The following TMTC1 variants were observed in gnomAD, a reference collection of about 807,000 sequenced individuals.
The protein encoded by TMTC1 is transmembrane O-mannosyltransferase targeting cadherins 1.
Under a neutral mutation model 104.8 loss-of-function variants are expected in TMTC1, and 73 were observed. The observed-to-expected ratio is 0.70, with a 90% CI of 0.58 to 0.85. The LOEUF (loss-of-function observed/expected upper bound fraction) is 0.85, where lower values mean the gene tolerates loss of function less well. TMTC1 is among the 40% of genes least tolerant of loss of function. The pLI, the probability that TMTC1 is intolerant of heterozygous loss-of-function variation, is 0.00. For synonymous variants in TMTC1, 434 were observed against 428.7 expected, an observed-to-expected ratio of 1.01 and a Z score of -0.15; for missense variants, 1,035 against 1,096.1, an observed-to-expected ratio of 0.94 and a Z score of 0.79.
chr12:29,762,253 A>G (rs896050405), intron 2 of TMTC1, among the ~76,000 whole-genome samples: 15 of 152,218 alleles, frequency 9.9e-5, no homozygotes, highest in African/African-American at 3.6e-4. Context: ...GCCATCTGAG[A>G]TTTGGTTTTG....
At chr12:29,731,851 T>C (rs953300491) in intron 5 of TMTC1, among the ~76,000 whole-genome samples, 1 of 152,204 alleles carries the variant, frequency 6.6e-6, no homozygotes, top group Non-Finnish European at 1.5e-5. Flanking sequence ...TGGTTCTGTA[T>C]TCTTTCCATT....
intron 11 of TMTC1, among the ~76,000 whole-genome samples, chr12:29,532,404 GA>G (rs1172471002): frequency 2.0e-5 from 3 of 151,324 alleles, no homozygotes; most frequent in Admixed American, 6.6e-5. Flanking sequence ...AAAGCCCTAA[GA>G]AAAAAAAGCT....
At chr12:29,711,141 C>T (rs1941915177) in intron 5 of TMTC1, among the ~76,000 whole-genome samples, 1 of 151,230 alleles carries the variant, frequency 6.6e-6, no homozygotes, top group Admixed American at 6.6e-5. Flanking sequence ...CACCACCATG[C>T]CTGGGTATTT....
intron 1 of TMTC1, among the ~76,000 whole-genome samples, chr12:29,778,862 G>A (rs1943770967): frequency 6.6e-6 from 1 of 152,200 alleles, no homozygotes; most frequent in South Asian, 2.1e-4. Context: ...TAAGTGTGAT[G>A]CTTCTGTGTC....
chr12:29,677,294 A>G (rs113613766), intron 5 of TMTC1, among the ~76,000 whole-genome samples: 3,442 of 152,100 alleles, frequency 0.023, 79 homozygotes, highest in Admixed American at 0.052. Flanking sequence ...GTTGTTGTTT[A>G]TTTGTTTTTG....
At chr12:29,765,399 A>T (rs1221377191) in intron 2 of TMTC1, among the ~76,000 whole-genome samples, 1 of 152,068 alleles carries the variant, frequency 6.6e-6, no homozygotes, top group Non-Finnish European at 1.5e-5. Flanking sequence ...GCTCTTCTTT[A>T]ATTGGTAGAC....
rs767944357 is a variant in TMTC1, at chr12:29,583,460, A to G, written c.1365T>C (p.Ser455=). The G allele has an allele frequency of 7.6e-5, 123 of 1,613,860 alleles. No individual in the cohort carries two copies. Among genetic ancestry groups the G allele is most frequent in the Non-Finnish European group, 1.0e-4 (118 of 1,179,910 alleles). ...VSTVLLLLLF[S]WKTVKQNEIW... is the part of the protein sequence containing the mutation. ...TTTCATTCTGTTTCACAGTTTTCCA[A>G]GAGAAAAGCAACAGCAGCAACACAG... The change falls in exon 8 of 18, where the codon TCT becomes TCC. Residue 455 remains serine, a synonymous_variant. Coordinates refer to ENST00000539277, the MANE Select transcript of TMTC1 (RefSeq NM_001193451.2).
At chr12:29,613,154 C>A (rs747857753) in intron 6 of TMTC1, among the ~76,000 whole-genome samples, 5 of 152,164 alleles carry the variant, frequency 3.3e-5, no homozygotes, top group Admixed American at 6.5e-5. Context: ...TTTACACAGG[C>A]AGATGGATTT....
At chr12:29,664,700 A>G (rs918269566) in intron 5 of TMTC1, among the ~76,000 whole-genome samples, 1 of 152,358 alleles carries the variant, frequency 6.6e-6, no homozygotes, top group East Asian at 1.9e-4. Flanking sequence ...TCTTTCTTCT[A>G]AAGGAGGAGA....
At chr12:29,584,177 G>A (rs1458881171) in intron 7 of TMTC1, among the ~76,000 whole-genome samples, 1 of 152,128 alleles carries the variant, frequency 6.6e-6, no homozygotes, top group Non-Finnish European at 1.5e-5. Context: ...GCATTGATAT[G>A]CCTAGCTGTA....
At chr12:29,657,374 T>C (rs565925075) in intron 5 of TMTC1, among the ~76,000 whole-genome samples, 7 of 152,310 alleles carry the variant, frequency 4.6e-5, no homozygotes, top group African/African-American at 1.2e-4. Context: ...CAGGGAGAGA[T>C]ACCTAAAAAT....
intron 8 of TMTC1, among the ~76,000 whole-genome samples, chr12:29,574,997 G>C (rs1050449647): frequency 7.2e-5 from 11 of 152,140 alleles, no homozygotes; most frequent in African/African-American, 2.7e-4. Flanking sequence ...GGGCCCATCT[G>C]CCTGGGGTGA....
In TMTC1 at chr12:29,633,886, C is replaced by T. The variant is rs1458493918; in HGVS notation, c.939-550G>A. Among the ~76,000 whole-genome samples the T allele has an allele frequency of 3.9e-5, 6 of 152,306 alleles. No homozygotes were observed. In the East Asian group the frequency reaches 1.2e-3, roughly 29 times the overall value. On this transcript the variant is annotated intron_variant, in intron 5 of 17. Coordinates refer to ENST00000539277, the MANE Select transcript of TMTC1 (RefSeq NM_001193451.2). ...ATGGAGGAGGTGTTATGCCTGTTTCCTGGCTGCCACTAGGCACTAAGGTAA... is the reference window on the plus strand; with the variant it reads ...ATGGAGGAGGTGTTATGCCTGTTTCTTGGCTGCCACTAGGCACTAAGGTAA...
intron 13 of TMTC1, 150 bp downstream of exon 13, chr12:29,518,322 T>C: frequency 1.3e-6 from 1 of 786,398 alleles, no homozygotes. Flanking sequence ...TATATTGTGG[T>C]TGCTTTCTTT....
chr12:29,578,196 C>G (rs1263952546), intron 8 of TMTC1, among the ~76,000 whole-genome samples: 1 of 151,900 alleles, frequency 6.6e-6, no homozygotes, highest in Non-Finnish European at 1.5e-5. Flanking sequence ...TCCTAACAGG[C>G]AAGCAGAAGT....
intron 2 of TMTC1, among the ~76,000 whole-genome samples, chr12:29,762,728 CT>C (rs1459518805): frequency 6.6e-6 from 1 of 152,176 alleles, no homozygotes; most frequent in Non-Finnish European, 1.5e-5. Flanking sequence ...ATTCATTAAT[CT>C]ATAAGGAACT....
intron 8 of TMTC1, among the ~76,000 whole-genome samples, chr12:29,582,976 A>G (rs537265628): frequency 1.3e-5 from 2 of 152,358 alleles, no homozygotes; most frequent in South Asian, 2.1e-4. Context: ...AATGTTCAAA[A>G]TAAAGCAACT....
intron 10 of TMTC1, among the ~76,000 whole-genome samples, chr12:29,549,288 A>C (rs902259921): frequency 2.4e-4 from 36 of 152,110 alleles, no homozygotes; most frequent in African/African-American, 8.4e-4. Context: ...AGATGCCAAA[A>C]ATACATACCA....
At chr12:29,748,369 T>C (rs1943008023) in intron 5 of TMTC1, among the ~76,000 whole-genome samples, 1 of 152,220 alleles carries the variant, frequency 6.6e-6, no homozygotes, top group Admixed American at 6.5e-5. Context: ...ACAAGAATCT[T>C]TGTACCTGCT....
Sources: gnomAD v4.1 joint callset for allele counts (sites outside exome capture counted in the v4.1 genomes callset) on GRCh38, gnomAD v4.1.1 for gene constraint, MANE v1.5 for transcripts, NCBI Gene and HGNC (gene_info 2026-07-23, HGNC 2026-07-21) for gene names.